Variants in CCDC201 observed in about 807,000 individuals in gnomAD.
CCDC201 encodes the protein coiled-coil domain containing 201, also known as coiled-coil domain-containing protein 201.
upstream of CCDC201, among the ~76,000 whole-genome samples, chr7:45,874,095 C>T (rs906279259): frequency 6.6e-6 from 1 of 151,910 alleles, no homozygotes; most frequent in East Asian, 1.9e-4. Context: ...AATTTTGGTA[C>T]TTTTTTGTAG....
At chr7:45,869,886 C>G (rs1786724537) in intron 1 of CCDC201, among the ~76,000 whole-genome samples, 1 of 150,720 alleles carries the variant, frequency 6.6e-6, no homozygotes, top group Non-Finnish European at 1.5e-5. Context: ...GGTGCAATCT[C>G]AGCTCACTGT....
chr7:45,872,446 C>T (rs186202822), intron 1 of CCDC201, among the ~76,000 whole-genome samples: 3 of 152,298 alleles, frequency 2.0e-5, no homozygotes, highest in Non-Finnish European at 4.4e-5. Flanking sequence ...GTCACTGTGC[C>T]CTGGGGCTGC....
rs537881079 is a variant in CCDC201, at chr7:45,866,232, G to T, written c.281C>A (p.Ser94Tyr). ...CCCAGGAGCTGAGAGATCCAAGCTG[G>T]ACTCCTTGGAGGCCCAGAGAGTAGA... The change falls in exon 2 of 3, where the codon TCC becomes TAC. Residue 94 changes from serine (S) to tyrosine (Y), a missense_variant. Physicochemically the swap from Ser to Tyr is moderately radical, Grantham distance 144 (BLOSUM62 -2). Transcript: ENST00000636578. The T allele has an allele frequency of 4.9e-4, 78 of 160,566 alleles. No individual in the cohort carries two copies. In the East Asian group the frequency reaches 5.1e-3, roughly 10 times the overall value. The allele number at this position is 160,566 out of a possible 1,614,324, so 9.9% of individuals were successfully genotyped here.
chr7:45,878,564 C>T, the CCDC201 span, among the ~76,000 whole-genome samples: 1 of 152,234 alleles, frequency 6.6e-6, no homozygotes, highest in African/African-American at 2.4e-5. Context: ...AAGCAATGGC[C>T]TGAGCAGTAC....
At chr7:45,861,354 T>C (rs1024748759) in exon 3 of CCDC201, 6 of 147,072 alleles carry the variant, frequency 4.1e-5, no homozygotes, top group Non-Finnish European at 7.6e-5. Context: ...ATATAAGTTA[T>C]AAAAAAAGAA....
At chr7:45,875,165 G>A (rs2116529676), upstream of CCDC201, among the ~76,000 whole-genome samples, 1 of 152,258 alleles carries the variant, frequency 6.6e-6, no homozygotes, top group African/African-American at 2.4e-5. Context: ...GGAGAAAAAA[G>A]CTATAGAATA....
chr7:45,880,167 A>G, the CCDC201 span, among the ~76,000 whole-genome samples: 2 of 152,250 alleles, frequency 1.3e-5, no homozygotes, highest in South Asian at 2.1e-4. Context: ...AGTGAAACTT[A>G]TACTCTCATA....
At chr7:45,864,179 T>C (rs34829576) in intron 2 of CCDC201, among the ~76,000 whole-genome samples, 67,564 of 152,068 alleles carry the variant, frequency 0.44, 15,293 homozygotes, top group East Asian at 0.62. Context: ...ACTGCCTGTC[T>C]GGACTCCCAG....
chr7:45,876,122 A>G (rs960850365), upstream of CCDC201, among the ~76,000 whole-genome samples: 4 of 152,282 alleles, frequency 2.6e-5, no homozygotes, highest in African/African-American at 9.6e-5. Context: ...AGAAGGGGTC[A>G]GAGGGCAGGA....
upstream of CCDC201, among the ~76,000 whole-genome samples, chr7:45,877,422 T>C (rs1465179242): frequency 6.6e-6 from 1 of 152,222 alleles, no homozygotes; most frequent in East Asian, 1.9e-4. Context: ...TAGTCTGTTC[T>C]CACACTGTTA....
intron 1 of CCDC201, among the ~76,000 whole-genome samples, chr7:45,872,730 G>C: frequency 6.6e-6 from 1 of 152,142 alleles, no homozygotes; most frequent in East Asian, 1.9e-4. Context: ...TCTCCTGCAG[G>C]CCATGTCGTG....
upstream of CCDC201, among the ~76,000 whole-genome samples, chr7:45,874,680 A>C (rs1786779074): frequency 6.6e-6 from 1 of 152,222 alleles, no homozygotes; most frequent in South Asian, 2.1e-4. Context: ...TTCAGAGAGC[A>C]CTAGAAAGGG....
chr7:45,883,172 G>T, the CCDC201 span, among the ~76,000 whole-genome samples: 1 of 152,012 alleles, frequency 6.6e-6, no homozygotes, highest in Non-Finnish European at 1.5e-5. Flanking sequence ...TGGATTCATA[G>T]TTCTTTATCA....
exon 3 of CCDC201, chr7:45,862,188 ACT>A (rs1786611403): frequency 6.6e-6 from 1 of 152,264 alleles, no homozygotes; most frequent in South Asian, 2.1e-4. Flanking sequence ...CACAGCCAGC[ACT>A]CTCAGATTTC....
chr7:45,860,572 AT>A (rs1259191149), exon 3 of CCDC201: 1 of 152,160 alleles, frequency 6.6e-6, no homozygotes, highest in African/African-American at 2.4e-5. Context: ...GCTGTTTATT[AT>A]TTTCCTCAAA....
the CCDC201 span, among the ~76,000 whole-genome samples, chr7:45,882,348 C>T: frequency 6.6e-6 from 1 of 152,216 alleles, no homozygotes. Context: ...CCTGTTCATG[C>T]AGTGCTTTCT....
chr7:45,877,151 T>C (rs1042700361), upstream of CCDC201, among the ~76,000 whole-genome samples: 2 of 152,210 alleles, frequency 1.3e-5, no homozygotes, highest in African/African-American at 4.8e-5. Flanking sequence ...GTGTGGCATG[T>C]GGTAAACTCA....
chr7:45,867,759 TG>T (rs1156908282), intron 1 of CCDC201, among the ~76,000 whole-genome samples: 1 of 152,194 alleles, frequency 6.6e-6, no homozygotes, highest in Non-Finnish European at 1.5e-5. Context: ...GGCTGATAAC[TG>T]TGTCATAAGT....
chr7:45,869,993 T>C (rs1786726061), intron 1 of CCDC201, among the ~76,000 whole-genome samples: 1 of 152,090 alleles, frequency 6.6e-6, no homozygotes, highest in African/African-American at 2.4e-5. Flanking sequence ...ATTTTTGTAT[T>C]TTTATTAGAA....
Sources: gnomAD v4.1 joint callset for allele counts (sites outside exome capture counted in the v4.1 genomes callset) on GRCh38, gnomAD v4.1.1 for gene constraint, MANE v1.5 for transcripts, NCBI Gene and HGNC (gene_info 2026-07-23, HGNC 2026-07-21) for gene names.